Variants in ATG10 observed in about 807,000 individuals in gnomAD.
ATG10 encodes the protein autophagy related 10.
Under a neutral mutation model 32.1 loss-of-function variants are expected in ATG10, and 30 were observed. That is an observed-to-expected ratio of 0.94 (90% CI 0.70 to 1.27). The LOEUF is 1.27. Among genes scored for constraint, ATG10 ranks in the 50% most tolerant of loss-of-function variants. ATG10 has a pLI of 0.00. For synonymous variants in ATG10, 87 were observed against 91.5 expected (o/e 0.95, Z 0.28); for missense variants, 233 against 262.3 (o/e 0.89, Z 0.77).
At chr5:82,139,246 C>T (rs1264501586) in intron 3 of ATG10, among the ~76,000 whole-genome samples, 1 of 147,090 alleles carries the variant, frequency 6.8e-6, no homozygotes, top group African/African-American at 2.6e-5. Context: ...GAGATTGCAG[C>T]CTCTGCCGGG....
chr5:82,046,676 G>C (rs1413891702), intron 2 of ATG10, among the ~76,000 whole-genome samples: 1 of 152,154 alleles, frequency 6.6e-6, no homozygotes, highest in Non-Finnish European at 1.5e-5. Context: ...AACTGCTTAA[G>C]CTCAGGTATC....
At chr5:82,144,609 A>T (rs1767274562) in intron 3 of ATG10, among the ~76,000 whole-genome samples, 2 of 151,940 alleles carry the variant, frequency 1.3e-5, no homozygotes, top group Non-Finnish European at 2.9e-5. Context: ...TAAAATATTT[A>T]GGGTTTTTCT....
chr5:82,170,307 G>A (rs1743751848), intron 4 of ATG10, among the ~76,000 whole-genome samples: 1 of 152,198 alleles, frequency 6.6e-6, no homozygotes, highest in Non-Finnish European at 1.5e-5. Context: ...TGCCTACTGT[G>A]TGCACAACAC....
intron 2 of ATG10, among the ~76,000 whole-genome samples, chr5:82,026,110 A>C (rs899573371): frequency 1.3e-5 from 2 of 152,196 alleles, no homozygotes; most frequent in Non-Finnish European, 2.9e-5. Flanking sequence ...TTCCCCACTG[A>C]AACTTTGTAC....
intron 3 of ATG10, among the ~76,000 whole-genome samples, chr5:82,134,321 A>G (rs1766652710): frequency 9.0e-4 from 1 of 1,110 alleles, no homozygotes; most frequent in Non-Finnish European, 1.8e-3. Flanking sequence ...GAATGCTTCC[A>G]GCTTTTGCTC....
chr5:82,256,053 T>C lies in ATG10; in HGVS notation c.*1990T>C. On this transcript the variant is annotated 3_prime_UTR_variant, in exon 8 of 8. Transcript: ENST00000282185. ...TGAGGGATTTTCCCCCCAATCTCCC[T>C]AATGTAAACACAGATTTCTCAGCAA... 6.6e-6 allele frequency: 1 copy of C among 152,212 alleles called. No homozygotes were observed. Among genetic ancestry groups the C allele is most frequent in the East Asian group, 1.9e-4 (1 of 5,194 alleles). 9.4% of individuals were successfully genotyped at this position (152,212 alleles called of 1,614,324 possible).
intron 2 of ATG10, among the ~76,000 whole-genome samples, chr5:81,993,245 A>G (rs1362988226): frequency 6.6e-6 from 1 of 151,976 alleles, no homozygotes; most frequent in Non-Finnish European, 1.5e-5. Context: ...TGTTGTATAG[A>G]TTAAATGTTA....
intron 3 of ATG10, among the ~76,000 whole-genome samples, chr5:82,092,818 G>A (rs1764936153): frequency 1.3e-5 from 2 of 152,150 alleles, no homozygotes; most frequent in Non-Finnish European, 2.9e-5. Flanking sequence ...ACATTGCAAA[G>A]GGAATACAAA....
intron 3 of ATG10, among the ~76,000 whole-genome samples, chr5:82,080,327 A>G (rs1764431394): frequency 3.3e-5 from 5 of 152,130 alleles, no homozygotes; most frequent in Admixed American, 3.3e-4. Context: ...GTTGACTCCG[A>G]TGGTAGTTTC....
At chr5:82,172,816 C>G (rs1393347361) in intron 4 of ATG10, among the ~76,000 whole-genome samples, 1 of 152,054 alleles carries the variant, frequency 6.6e-6, no homozygotes, top group East Asian at 1.9e-4. Flanking sequence ...ATACAAAGTC[C>G]TAAAATGCTT....
At position 82,016,348 on chromosome 5, in the gene ATG10, C is replaced by A. The variant is rs538262162; in HGVS notation, c.108+28670C>A. Among the ~76,000 whole-genome samples the A allele has an allele frequency of 1.2e-3, 188 of 152,146 alleles. 2 individuals are homozygous for A. Among genetic ancestry groups the A allele is most frequent in the Admixed American group, 4.3e-3 (65 of 15,288 alleles). ...CATTTGTTGAATAGGGTGTCCTTTC[C>A]CCACTTTATTTTGTTTGCTTTGTTG... On this transcript the variant is annotated intron_variant, in intron 2 of 7. Transcript: ENST00000282185.
At chr5:82,187,337 C>T (rs1035828919) in intron 5 of ATG10, among the ~76,000 whole-genome samples, 13 of 151,648 alleles carry the variant, frequency 8.6e-5, no homozygotes, top group Admixed American at 5.3e-4. Flanking sequence ...ATGGGGAAAC[C>T]CTGTCTCTAC....
Position 82,155,167 on chromosome 5 carries a change from G to T in ATG10, c.217-9232G>T, listed in dbSNP as rs145248140. On this transcript the variant is annotated intron_variant, in intron 3 of 7. Coordinates refer to ENST00000282185, the MANE Select transcript of ATG10 (RefSeq NM_031482.5). ...AATCTCACTTGTTTAAATTAGGGTAGTGCTATCTCTTACTTTAGAAAATGA... is the reference window on the plus strand; with the variant it reads ...AATCTCACTTGTTTAAATTAGGGTATTGCTATCTCTTACTTTAGAAAATGA... Among the ~76,000 whole-genome samples the T allele has an allele frequency of 9.8e-3, 1,498 of 152,312 alleles. 13 individuals carry two copies. The highest frequency in any genetic ancestry group is 0.013 in the Non-Finnish European group (886 of 68,034).
chr5:81,994,612 A>G lies in ATG10; in HGVS notation c.108+6934A>G, dbSNP rs193148808. Among the ~76,000 whole-genome samples the G allele has an allele frequency of 2.5e-4, 38 of 152,356 alleles. No individual in the cohort carries two copies. In the East Asian group the frequency reaches 7.1e-3, roughly 29 times the overall value. On this transcript the variant is annotated intron_variant, in intron 2 of 7. Transcript: ENST00000282185. ...TCTGAGTTCCTTACTCTCTGCTTAT[A>G]TAAGTTGTTTAGAAGTAAGCATATT...
intron 3 of ATG10, among the ~76,000 whole-genome samples, chr5:82,087,015 A>G (rs188321036): frequency 4.6e-5 from 7 of 152,268 alleles, no homozygotes; most frequent in African/African-American, 1.7e-4. Context: ...TAATTGCCTT[A>G]ATGTTTTCAT....
chr5:82,128,886 T>C (rs961950451), intron 3 of ATG10, among the ~76,000 whole-genome samples: 1 of 151,800 alleles, frequency 6.6e-6, no homozygotes, highest in Admixed American at 6.6e-5. Flanking sequence ...CTGTATTTCC[T>C]GAGTTTGAAT....
At chr5:82,045,008 C>A (rs1165991262) in intron 2 of ATG10, among the ~76,000 whole-genome samples, 1 of 152,118 alleles carries the variant, frequency 6.6e-6, no homozygotes, top group Non-Finnish European at 1.5e-5. Context: ...GTTAGTAATA[C>A]TCAGGGCTCT....
At chr5:82,117,288 G>C (rs1581705049) in intron 3 of ATG10, among the ~76,000 whole-genome samples, 1 of 152,162 alleles carries the variant, frequency 6.6e-6, no homozygotes, top group East Asian at 1.9e-4. Context: ...GTTTGAGTAT[G>C]GACAGTTTTC....
Position 82,253,329 on chromosome 5 carries a change from C to T in ATG10, c.567C>T (p.Ile189=). The T allele has an allele frequency of 6.2e-7, 1 of 1,611,046 alleles. No homozygotes were observed. The highest frequency in any genetic ancestry group is 1.1e-5 in the South Asian group (1 of 91,002). Residue 189 remains isoleucine (I), a synonymous_variant, in exon 7 of 8, where the codon ATC becomes ATT. Coordinates refer to ENST00000282185, the MANE Select transcript of ATG10 (RefSeq NM_031482.5). Reference sequence around the variant, plus strand: ...TGTTTCCTAGGAATGTCAACTATATCACATCATGGCTGAGCATTGTAGGGC... The same window carrying T: ...TGTTTCCTAGGAATGTCAACTATATTACATCATGGCTGAGCATTGTAGGGC... ...SQKINKNVNY[I]TSWLSIVGPV... is the part of the protein sequence containing the mutation.
Sources: allele counts gnomAD v4.1 joint callset (sites outside exome capture counted in the v4.1 genomes callset), GRCh38; gene constraint gnomAD v4.1.1; transcripts MANE v1.5; gene names NCBI Gene and HGNC (gene_info 2026-07-23, HGNC 2026-07-21).